Variants in PLEC observed in about 807,000 individuals in gnomAD.
The protein encoded by PLEC is plectin.
In PLEC, 216 loss-of-function variants were observed where a neutral mutation model predicts 392.8. That is an observed-to-expected ratio of 0.55 (90% CI 0.49 to 0.62). The LOEUF is 0.62. PLEC is among the 20% of genes least tolerant of loss of function. PLEC has a pLI of 0.00. For synonymous variants in PLEC, 3,621 were observed against 2,980.6 expected, an observed-to-expected ratio of 1.21 and a Z score of -7.00; for missense variants, 6,863 against 6,563.4, an observed-to-expected ratio of 1.05 and a Z score of -1.58.
At position 143,924,275 on chromosome 8, in the gene PLEC, G is replaced by A. The variant is rs1316343146; in HGVS notation, c.5654C>T (p.Ala1885Val). 1.0e-5 allele frequency: 16 copies of A among 1,595,946 alleles called. No individual in the cohort carries two copies. Among genetic ancestry groups the A allele is most frequent in the African/African-American group, 2.7e-5 (2 of 74,532 alleles). Residue 1885 changes from alanine (A) to valine (V), a missense_variant, in exon 31 of 32, where the codon GCG (alanine) becomes GTG (valine). Coordinates refer to ENST00000345136, the MANE Select transcript of PLEC (RefSeq NM_201384.3). ...FQRRRLEEQA[A>V]QHKADIEERL... ...CTCCTCGATGTCAGCCTTGTGTTGC[G>A]CGGCCTGCTCCTCCAGCCGCCGCCG... is the stretch of plus-strand genomic sequence containing the variant.
At chr8:143,968,070 A>G (rs1776427939) in intron 1 of PLEC, among the ~76,000 whole-genome samples, 1 of 151,874 alleles carries the variant, frequency 6.6e-6, no homozygotes, top group South Asian at 2.1e-4. Context: ...AGAGGTTGCA[A>G]TGAGCTGAGA....
In PLEC at chr8:143,925,866, G is replaced by A. The variant is rs1039236675; in HGVS notation, c.4063C>T (p.Arg1355Trp). The A allele has an allele frequency of 1.5e-5, 23 of 1,547,318 alleles. No homozygotes were observed. Among genetic ancestry groups the A allele is most frequent in the South Asian group, 2.3e-5 (2 of 85,696 alleles). Reference sequence around the variant, plus strand: ...GCCAGCCGCTCGCGCTCCTCTGCCCGCTGCTGCTCAGCCAGCCTCTGTGGC... The same window carrying A: ...GCCAGCCGCTCGCGCTCCTCTGCCCACTGCTGCTCAGCCAGCCTCTGTGGC... ...EEEERLAEQQ[R>W]AEERERLAEV... Residue 1355 changes from arginine (R) to tryptophan (W), a missense_variant, in exon 31 of 32, where the codon CGG (arginine) becomes TGG (tryptophan). Coordinates refer to ENST00000345136, the MANE Select transcript of PLEC (RefSeq NM_201384.3).
rs201100252 is a variant in PLEC at position 143,918,861 on chromosome 8, C to T, written c.10960G>A (p.Glu3654Lys). Residue 3654 changes from glutamate (E) to lysine (K), a missense_variant, in exon 32 of 32, where the codon GAG (glutamate) becomes AAG (lysine). Coordinates refer to ENST00000345136, the MANE Select transcript of PLEC (RefSeq NM_201384.3). ...RRRLTAEDLFEARIISLETYN... is the reference protein window; with the variant it reads ...RRRLTAEDLFKARIISLETYN... ...GTCTCGAGAGAGATGATCCGAGCCT[C>T]GAACAGGTCCTCAGCCGTGAGGCGG... 128 of 1,612,894 alleles carry T rather than the reference C, an allele frequency of 7.9e-5. 2 individuals carry two copies. In the East Asian group the frequency reaches 2.1e-3, roughly 26 times the overall value.
In PLEC at chr8:143,924,345, C is replaced by T; in HGVS notation, c.5584G>A (p.Glu1862Lys). ...GCCAGCCGCCGCAGGCGCTCGTTCT[C>T]CGCCTCCTTCTCCTTGAGCGCGATC... Reference protein sequence around the residue: ...AEIALKEKEAENERLRRLAED... With the variant: ...AEIALKEKEAKNERLRRLAED... Residue 1862 changes from glutamate (E) to lysine (K), a missense_variant, in exon 31 of 32, where the codon GAG (glutamate) becomes AAG (lysine). Physicochemically the swap from Glu to Lys is moderately conservative, Grantham distance 56 (BLOSUM62 1). Coordinates refer to ENST00000345136, the MANE Select transcript of PLEC (RefSeq NM_201384.3). The T allele has an allele frequency of 6.3e-7, 1 of 1,597,076 alleles. No individual in the cohort carries two copies. The highest frequency in any genetic ancestry group is 8.5e-7 in the Non-Finnish European group (1 of 1,178,772).
chr8:143,960,462 C>G (rs1440140798), intron 1 of PLEC, among the ~76,000 whole-genome samples: 1 of 151,246 alleles, frequency 6.6e-6, no homozygotes, highest in Admixed American at 6.6e-5. Flanking sequence ...ACTAAAAATA[C>G]AAAAATTAGC....
In PLEC at chr8:143,920,165, G is replaced by A; in HGVS notation, c.9656C>T (p.Ala3219Val). Residue 3219 changes from alanine (A) to valine (V), a missense_variant, in exon 32 of 32, where the codon GCC becomes GTC. Transcript: ENST00000345136. Reference sequence around the variant, plus strand: ...CTCTGAGTAGAGCTCCTCCTGCCGGGCCCGAGCAGCCTTTTCTGAGAGCGG... The same window carrying A: ...CTCTGAGTAGAGCTCCTCCTGCCGGACCCGAGCAGCCTTTTCTGAGAGCGG... ...LLPLSEKAAR[A>V]RQEELYSELQ... 2 of 1,612,410 alleles carry A rather than the reference G, an allele frequency of 1.2e-6. No individual in the cohort carries two copies. The highest frequency in any genetic ancestry group is 1.7e-6 in the Non-Finnish European group (2 of 1,179,988).
Position 143,921,951 on chromosome 8 carries a change from T to C in PLEC, c.7870A>G (p.Lys2624Glu). 3 of 1,599,064 alleles carry C rather than the reference T, an allele frequency of 1.9e-6. No homozygotes were observed. The highest frequency in any genetic ancestry group is 2.5e-6 in the Non-Finnish European group (3 of 1,179,772). ...EVTASQVAAT[K>E]TLPNGRDALD... ...GCATCCCGGCCATTGGGCAGGGTCTTTGTGGCAGCCACCTGCGAGGCAGTG... is the reference window on the plus strand; with the variant it reads ...GCATCCCGGCCATTGGGCAGGGTCTCTGTGGCAGCCACCTGCGAGGCAGTG... Residue 2624 changes from lysine (K) to glutamate (E), a missense_variant, in exon 32 of 32, where the codon AAG (lysine) becomes GAG (glutamate). Transcript: ENST00000345136.
In PLEC at chr8:143,931,740, C is replaced by T. The variant is rs968986686; in HGVS notation, c.2179-81G>A. ...CAGTTGTCCCAGGGCAGGCCCAAGA[C>T]GGGGGCACTGAGGAAGGAGTGGCAA... On this transcript the variant is annotated intron_variant, in intron 18 of 31. Coordinates refer to ENST00000345136, the MANE Select transcript of PLEC (RefSeq NM_201384.3). The T allele has an allele frequency of 5.2e-5, 81 of 1,551,206 alleles. No homozygotes were observed. In the East Asian group the frequency reaches 1.6e-3, roughly 31 times the overall value.
Position 143,930,365 on chromosome 8 carries a change from A to AC in PLEC, c.2457+18dup. On this transcript the variant is annotated intron_variant, in intron 20 of 31. Coordinates refer to ENST00000345136, the MANE Select transcript of PLEC (RefSeq NM_201384.3). ...CCTGCCTGGCCACGCCCCCCAGTGG[A>AC]CCCCCGGCCTGCGCTCACCTCCACC... 1 of 1,576,100 alleles carries AC rather than the reference A, an allele frequency of 6.3e-7. No homozygotes were observed. The highest frequency in any genetic ancestry group is 8.6e-7 in the Non-Finnish European group (1 of 1,166,160).
At chr8:143,938,799 G>A (rs1296517683) in intron 1 of PLEC, 107 bp from the exon 2 acceptor site, 5 of 955,186 alleles carry the variant, frequency 5.2e-6, no homozygotes, top group Admixed American at 1.8e-5. Flanking sequence ...CCTGCCTGGG[G>A]AGCCCCAAAG....
At position 143,934,391 on chromosome 8, in the gene PLEC, C is replaced by A; in HGVS notation, c.1096G>T (p.Val366Leu). 2 of 1,612,580 alleles carry A rather than the reference C, an allele frequency of 1.2e-6. No individual in the cohort carries two copies. Among genetic ancestry groups the A allele is most frequent in the Non-Finnish European group, 1.7e-6 (2 of 1,179,938 alleles). Residue 366 changes from valine to leucine, a missense_variant, in exon 11 of 32, where the codon GTG (valine) becomes TTG (leucine). By Grantham distance (32) the Val-to-Leu change is conservative (BLOSUM62 1). Coordinates refer to ENST00000345136, the MANE Select transcript of PLEC (RefSeq NM_201384.3). ...TGCAGCTTGCCCCACTCCTTCTCCACATCCAGCGGGTGGTAGCCAGGGGGC... is the reference window on the plus strand; with the variant it reads ...TGCAGCTTGCCCCACTCCTTCTCCAAATCCAGCGGGTGGTAGCCAGGGGGC... ...KVPPGYHPLD[V>L]EKEWGKLHVA... is the part of the protein sequence containing the mutation.
chr8:143,949,761 G>A (rs1831914694), intron 1 of PLEC, among the ~76,000 whole-genome samples: 1 of 152,228 alleles, frequency 6.6e-6, no homozygotes, highest in South Asian at 2.1e-4. Flanking sequence ...CAAGGGAGGC[G>A]GCCAGGCCAT....
Position 143,925,181 on chromosome 8 carries a change from G to A in PLEC, c.4748C>T (p.Ala1583Val), listed in dbSNP as rs1554701109. Residue 1583 changes from alanine to valine, a missense_variant, in exon 31 of 32, where the codon GCC becomes GTC. Coordinates refer to ENST00000345136, the MANE Select transcript of PLEC (RefSeq NM_201384.3). ...SAEAELQSKR[A>V]SFAEKTAQLE... ...CTGTGCCGTCTTCTCGGCGAAGGAG[G>A]CGCGTTTGCTCTGCAGCTCCGCCTC... The A allele has an allele frequency of 2.5e-6, 4 of 1,573,868 alleles. No homozygotes were observed. Among genetic ancestry groups the A allele is most frequent in the African/African-American group, 1.3e-5 (1 of 74,294 alleles).
chr8:143,932,623 G>A lies in PLEC; in HGVS notation c.1815+12C>T, dbSNP rs1827706287. 1.2e-6 allele frequency: 2 copies of A among 1,610,966 alleles called. No homozygotes were observed. Among genetic ancestry groups the A allele is most frequent in the Non-Finnish European group, 1.7e-6 (2 of 1,179,336 alleles). On this transcript the variant is annotated intron_variant, in intron 15 of 31. Transcript: ENST00000345136. Reference sequence around the variant, plus strand: ...CTACCCACCTCCCCCGGCTGGCCCTGCCCCCACTCACCAGCAGCTTGGCGT... The same window carrying A: ...CTACCCACCTCCCCCGGCTGGCCCTACCCCCACTCACCAGCAGCTTGGCGT...
rs781860439 is a variant in PLEC, at chr8:143,916,613, G to A, written c.13208C>T (p.Pro4403Leu). Residue 4403 changes from proline to leucine, a missense_variant, in exon 32 of 32, where the codon CCG becomes CTG. Pro to Leu is a moderately conservative substitution (Grantham distance 98). Coordinates refer to ENST00000345136, the MANE Select transcript of PLEC (RefSeq NM_201384.3). ...LTGGLIEPDT[P>L]GRVPLDEALQ... is the part of the protein sequence containing the mutation. ...GGCCTCGTCCAGGGGCACGCGGCCCGGCGTGTCGGGCTCGATCAAGCCGCC... is the reference window on the plus strand; with the variant it reads ...GGCCTCGTCCAGGGGCACGCGGCCCAGCGTGTCGGGCTCGATCAAGCCGCC... 142 of 1,609,750 alleles carry A rather than the reference G, an allele frequency of 8.8e-5. No individual in the cohort carries two copies. The highest frequency in any genetic ancestry group is 4.0e-4 in the Admixed American group (24 of 59,894).
upstream of PLEC, among the ~76,000 whole-genome samples, chr8:143,954,880 C>T (rs1832505477): frequency 6.6e-6 from 1 of 152,348 alleles, no homozygotes; most frequent in East Asian, 1.9e-4. The surrounding 1 kb of genome is among the most constrained non-coding windows in gnomAD (Gnocchi z 4.6). Context: ...CCAGCAAGGC[C>T]TTTCCTCTGC....
At chr8:143,959,426 G>A (rs1228200947) in intron 1 of PLEC, among the ~76,000 whole-genome samples, 29 of 152,380 alleles carry the variant, frequency 1.9e-4, no homozygotes, top group African/African-American at 5.8e-4. Flanking sequence ...GGAACGCCCC[G>A]GCTCCAGGAT....
At chr8:143,944,547 G>A (rs1831143056), upstream of PLEC, 5 of 650,330 alleles carry the variant, frequency 7.7e-6, no homozygotes, top group East Asian at 1.7e-4. Flanking sequence ...TGCAGGGCGA[G>A]GGACAGCGCC....
intron 19 of PLEC, among the ~76,000 whole-genome samples, chr8:143,931,280 CT>C (rs1200647838): frequency 6.7e-6 from 1 of 148,914 alleles, no homozygotes; most frequent in Non-Finnish European, 1.5e-5. Flanking sequence ...TCATTCCCCC[CT>C]TGGCTGACCT....
Sources: allele counts gnomAD v4.1 joint callset (sites outside exome capture counted in the v4.1 genomes callset), GRCh38; gene constraint gnomAD v4.1.1; non-coding constraint Gnocchi (gnomAD v3.1); transcripts MANE v1.5; gene names NCBI Gene and HGNC (gene_info 2026-07-23, HGNC 2026-07-21).